Variants in KLF17 observed in about 807,000 individuals in gnomAD.
KLF17 encodes KLF transcription factor 17.
Under a neutral mutation model 34.2 loss-of-function variants are expected in KLF17, and 31 were observed. That is an observed-to-expected ratio of 0.91 (90% confidence interval 0.68 to 1.22). KLF17 has a LOEUF of 1.22. KLF17 is among the 50% of genes most tolerant of loss of function. KLF17 has a pLI of 0.00. For missense variants in KLF17, 478 were observed against 505.2 expected, an observed-to-expected ratio of 0.95 and a Z score of 0.52; for synonymous variants, 179 against 186.7, an observed-to-expected ratio of 0.96 and a Z score of 0.34.
chr1:44,079,144 G>A, the KLF17 span, among the ~76,000 whole-genome samples: 1 of 151,482 alleles, frequency 6.6e-6, no homozygotes, highest in Admixed American at 6.6e-5. Context: ...TTAATTCATG[G>A]GCAGCTCTAT....
At chr1:44,066,714 G>C in the KLF17 span, among the ~76,000 whole-genome samples, 6 of 152,142 alleles carry the variant, frequency 3.9e-5, no homozygotes, top group Admixed American at 3.3e-4. Context: ...GAAGACATCT[G>C]ACAGGAGTGT....
the KLF17 span, among the ~76,000 whole-genome samples, chr1:44,109,485 G>A: frequency 3.7e-3 from 571 of 152,318 alleles, 2 homozygotes; most frequent in African/African-American, 0.013. Flanking sequence ...CTGATTTGAT[G>A]ATTTTGCCCT....
At chr1:44,075,065 G>C in the KLF17 span, 2 of 150,702 alleles carry the variant, frequency 1.3e-5, no homozygotes, top group Non-Finnish European at 3.0e-5. Flanking sequence ...GCTGAGGCAG[G>C]CAGATGACTT....
chr1:44,109,421 C>T, the KLF17 span, among the ~76,000 whole-genome samples: 1 of 152,142 alleles, frequency 6.6e-6, no homozygotes, highest in Non-Finnish European at 1.5e-5. Context: ...CAATTTTATA[C>T]AATAATCCAC....
At chr1:44,065,405 G>GTTTT in the KLF17 span, among the ~76,000 whole-genome samples, 12 of 119,014 alleles carry the variant, frequency 1.0e-4, no homozygotes, top group Non-Finnish European at 1.5e-4. Context: ...ATAATCCTTG[G>GTTTT]TTTTTTTTTT....
At chr1:44,132,189 C>T (rs1360555000) in intron 3 of KLF17, among the ~76,000 whole-genome samples, 3 of 152,022 alleles carry the variant, frequency 2.0e-5, no homozygotes, top group African/African-American at 7.2e-5. Context: ...GCCTGTAGTC[C>T]CAGTTATTCG....
chr1:44,080,343 G>A, the KLF17 span, among the ~76,000 whole-genome samples: 5 of 144,460 alleles, frequency 3.5e-5, no homozygotes, highest in East Asian at 2.2e-4. Flanking sequence ...GGTTCACACC[G>A]TTCTCCAGCC....
upstream of KLF17, among the ~76,000 whole-genome samples, chr1:44,117,754 CA>C (rs1571981572): frequency 6.6e-6 from 1 of 152,142 alleles, no homozygotes; most frequent in East Asian, 1.9e-4. Flanking sequence ...CTCAGCCTCC[CA>C]AAGTGCTGGC....
intron 1 of KLF17, chr1:44,122,091 A>T: frequency 9.6e-7 from 1 of 1,039,396 alleles, no homozygotes; most frequent in Non-Finnish European, 1.5e-6. Flanking sequence ...TGACATAAAC[A>T]CAACCTGTAC....
the KLF17 span, chr1:44,104,596 G>A: frequency 8.2e-4 from 488 of 596,760 alleles, 8 homozygotes; most frequent in South Asian, 8.1e-3. Context: ...CTCCCATGCC[G>A]CTGGTCCCAC....
chr1:44,090,858 G>T, the KLF17 span, among the ~76,000 whole-genome samples: 6 of 151,778 alleles, frequency 4.0e-5, no homozygotes, highest in African/African-American at 1.5e-4. Context: ...AGAGGAAAAT[G>T]TAGGGCATGT....
the KLF17 span, among the ~76,000 whole-genome samples, chr1:44,047,563 C>T: frequency 1.3e-5 from 2 of 150,598 alleles, no homozygotes; most frequent in African/African-American, 2.5e-5. Context: ...GCTGGGGACC[C>T]GGCACAGTGA....
At chr1:44,103,478 C>T in the KLF17 span, 10 of 918,130 alleles carry the variant, frequency 1.1e-5, no homozygotes, top group African/African-American at 1.6e-5. Context: ...GGCCGGGGCT[C>T]GTGAGGCCCC....
chr1:44,060,386 T>G, the KLF17 span, among the ~76,000 whole-genome samples: 433 of 152,238 alleles, frequency 2.8e-3, 3 homozygotes, highest in African/African-American at 9.6e-3. Flanking sequence ...GTGAATCTCT[T>G]GAACCTGGGA....
At chr1:44,082,939 CTT>C in the KLF17 span, among the ~76,000 whole-genome samples, 26,193 of 129,328 alleles carry the variant, frequency 0.2, 2,486 homozygotes, top group South Asian at 0.32. Flanking sequence ...TGTCTTTAAA[CTT>C]TTTTTTTTTT....
chr1:44,055,183 C>G, the KLF17 span, among the ~76,000 whole-genome samples: 1 of 152,152 alleles, frequency 6.6e-6, no homozygotes. Flanking sequence ...AAGCATAGGA[C>G]TGATGGGGCC....
chr1:44,130,360 T>A, intron 2 of KLF17, 152 bp from the exon 3 acceptor site: 2 of 1,373,408 alleles, frequency 1.5e-6, no homozygotes, highest in South Asian at 2.6e-5. Flanking sequence ...TGTGCCAAGA[T>A]GACTGGGGCG....
chr1:44,108,936 G>A, the KLF17 span, among the ~76,000 whole-genome samples: 1 of 152,066 alleles, frequency 6.6e-6, no homozygotes, highest in Non-Finnish European at 1.5e-5. Context: ...CAAAGTGCTG[G>A]GATTACAGGC....
the KLF17 span, among the ~76,000 whole-genome samples, chr1:44,094,543 C>G: frequency 2.0e-5 from 3 of 152,152 alleles, no homozygotes. Flanking sequence ...TAGGGGTCTG[C>G]TTTCATTCTG....
Sources: gnomAD v4.1 joint callset for allele counts (sites outside exome capture counted in the v4.1 genomes callset) on GRCh38, gnomAD v4.1.1 for gene constraint, MANE v1.5 for transcripts, NCBI Gene and HGNC (gene_info 2026-07-23, HGNC 2026-07-21) for gene names.